Variants in LHPP observed in about 807,000 individuals in gnomAD.
LHPP encodes the protein hLHPP.
Under a neutral mutation model 30.3 loss-of-function variants are expected in LHPP, and 24 were observed. That is an observed-to-expected ratio of 0.79 (90% confidence interval 0.57 to 1.11). LHPP has a LOEUF of 1.11. Ranked by LOEUF, LHPP falls within the 50% of genes most tolerant of loss-of-function variation. LHPP has a pLI of 0.00. For missense variants in LHPP, 356 were observed against 367.2 expected (o/e 0.97, Z 0.25); for synonymous variants, 150 against 157.1 (o/e 0.95, Z 0.34).
chr10:124,606,107 C>T (rs1949088978), intron 6 of LHPP, among the ~76,000 whole-genome samples: 1 of 152,192 alleles, frequency 6.6e-6, no homozygotes, highest in South Asian at 2.1e-4. Flanking sequence ...CGCCCAAATG[C>T]AGCCCGAGGG....
At chr10:124,474,799 C>G (rs1952891023) in intron 1 of LHPP, among the ~76,000 whole-genome samples, 1 of 152,154 alleles carries the variant, frequency 6.6e-6, no homozygotes, top group Non-Finnish European at 1.5e-5. Context: ...TGCTGGGGCT[C>G]AGTTCACCCT....
At chr10:124,597,425 G>A (rs1564846654) in intron 6 of LHPP, among the ~76,000 whole-genome samples, 1 of 152,332 alleles carries the variant, frequency 6.6e-6, no homozygotes, top group East Asian at 1.9e-4. Context: ...ACCCAGGATA[G>A]CAAGTCCCCA....
intron 6 of LHPP, among the ~76,000 whole-genome samples, chr10:124,549,422 A>C (rs1955425918): frequency 6.6e-6 from 1 of 151,974 alleles, no homozygotes; most frequent in Non-Finnish European, 1.5e-5. Context: ...TGGACAACAC[A>C]GCAAGACCCT....
chr10:124,536,162 C>T (rs1044317887), intron 6 of LHPP, among the ~76,000 whole-genome samples: 4 of 152,248 alleles, frequency 2.6e-5, no homozygotes, highest in East Asian at 1.9e-4. Context: ...GCCGCGTGTG[C>T]GTGCAGACTG....
intron 5 of LHPP, among the ~76,000 whole-genome samples, chr10:124,499,787 A>C (rs1055027594): frequency 2.0e-5 from 3 of 151,948 alleles, no homozygotes; most frequent in African/African-American, 7.3e-5. Context: ...CCCTGTGTGC[A>C]TTTCGGTCCA....
Position 124,523,409 on chromosome 10 carries a change from G to A in LHPP, c.716+6138G>A, listed in dbSNP as rs948198571. 6.6e-5 allele frequency among the ~76,000 whole-genome samples: 10 copies of A among 152,232 alleles called. No homozygotes were observed. Among genetic ancestry groups the A allele is most frequent in the Non-Finnish European group, 8.8e-5 (6 of 68,044 alleles). ...CTGTGGAGCTGGCTGCGTCGGGAGG[G>A]AGAGTGCCCCCACGCCTGGCCTTTG... On this transcript the variant is annotated intron_variant, in intron 6 of 6. Coordinates refer to ENST00000368842, the MANE Select transcript of LHPP (RefSeq NM_022126.4). The surrounding 1 kb of genome is among the most constrained non-coding windows in gnomAD (Gnocchi z 4.2).
chr10:124,597,456 C>T lies in LHPP; in HGVS notation c.717-15808C>T, dbSNP rs76921807. The stretch of plus-strand genomic sequence containing the variant: ...CCCCATCAGTGTCACTGCCACCTGT[C>T]GAAGAGATCCCCCAGCCCAGCACTC... On this transcript the variant is annotated intron_variant, in intron 6 of 6. Coordinates refer to ENST00000368842, the MANE Select transcript of LHPP (RefSeq NM_022126.4). Among the ~76,000 whole-genome samples the T allele has an allele frequency of 6.5e-3, 984 of 152,318 alleles. 14 individuals are homozygous for T. Among genetic ancestry groups the T allele is most frequent in the African/African-American group, 0.023 (941 of 41,558 alleles).
intron 6 of LHPP, among the ~76,000 whole-genome samples, chr10:124,551,165 C>A (rs923478709): frequency 6.6e-6 from 1 of 152,110 alleles, no homozygotes; most frequent in Non-Finnish European, 1.5e-5. Context: ...GGAGATGGCT[C>A]CCCCCAGCCT....
intron 6 of LHPP, among the ~76,000 whole-genome samples, chr10:124,566,234 C>T (rs190841955): frequency 4.3e-4 from 66 of 152,370 alleles, no homozygotes; most frequent in Admixed American, 9.1e-4. Flanking sequence ...AGATTCTTGG[C>T]GCCTTCCTGA....
chr10:124,566,219 T>C (rs1365928503), intron 6 of LHPP, among the ~76,000 whole-genome samples: 1 of 152,214 alleles, frequency 6.6e-6, no homozygotes, highest in Non-Finnish European at 1.5e-5. Context: ...GGTTATGGGC[T>C]CTCCAGATTC....
intron 1 of LHPP, among the ~76,000 whole-genome samples, chr10:124,481,904 G>C (rs1953149177): frequency 6.6e-6 from 1 of 152,170 alleles, no homozygotes; most frequent in East Asian, 1.9e-4. Flanking sequence ...AGTCTTTTAA[G>C]ACCCCACACT....
At chr10:124,612,067 A>G (rs1949209232) in intron 6 of LHPP, among the ~76,000 whole-genome samples, 1 of 152,196 alleles carries the variant, frequency 6.6e-6, no homozygotes, top group Non-Finnish European at 1.5e-5. Flanking sequence ...CAGGCTGCCC[A>G]CAGCCCCTAG....
chr10:124,509,859 A>T (rs900291111), intron 5 of LHPP, among the ~76,000 whole-genome samples: 1 of 152,026 alleles, frequency 6.6e-6, no homozygotes, highest in Admixed American at 6.6e-5. Context: ...CTGGATAAGG[A>T]AAATATTTGT....
intron 1 of LHPP, among the ~76,000 whole-genome samples, chr10:124,464,949 T>G (rs1952515365): frequency 6.6e-6 from 1 of 151,356 alleles, no homozygotes; most frequent in Non-Finnish European, 1.5e-5. Context: ...AGTAGGGGAG[T>G]ATTAGGGTCT....
intron 6 of LHPP, among the ~76,000 whole-genome samples, chr10:124,581,683 G>A (rs1005178787): frequency 1.3e-5 from 2 of 152,058 alleles, no homozygotes; most frequent in African/African-American, 4.8e-5. Context: ...ATCTTTTCTT[G>A]TACTTATTGG....
rs528766161 is a variant in LHPP, at chr10:124,541,880, G to A, written c.716+24609G>A. The stretch of plus-strand genomic sequence containing the variant: ...TCACCCCTACTTCCCCACTGCAAGG[G>A]TGCTGCCTCCCCAGCTCCTACCTGG... On this transcript the variant is annotated intron_variant, in intron 6 of 6. Coordinates refer to ENST00000368842, the MANE Select transcript of LHPP (RefSeq NM_022126.4). The surrounding 1 kb of genome is among the most constrained non-coding windows in gnomAD (Gnocchi z 4.2). 2.7e-3 allele frequency among the ~76,000 whole-genome samples: 418 copies of A among 152,212 alleles called. 1 individual carries two copies. Among genetic ancestry groups the A allele is most frequent in the African/African-American group, 9.8e-3 (408 of 41,522 alleles).
In LHPP at chr10:124,484,272, G is replaced by C. The variant is rs1953245757; in HGVS notation, c.259G>C (p.Ala87Pro). The change falls in exon 2 of 7, where the codon GCC (alanine) becomes CCC (proline). Residue 87 changes from alanine (A) to proline (P), a missense_variant. Coordinates refer to ENST00000368842, the MANE Select transcript of LHPP (RefSeq NM_022126.4). ...GGAGGTGACCGCCCCGGCACCAGCT[G>C]CCTGCCAGATCCTGAAGGAGCAAGG... ...EQEVTAPAPA[A>P]CQILKEQGLR... 1 of 1,613,900 alleles carries C rather than the reference G, an allele frequency of 6.2e-7. No individual in the cohort carries two copies. Among genetic ancestry groups the C allele is most frequent in the Admixed American group, 1.7e-5 (1 of 59,990 alleles).
chr10:124,607,327 G>A (rs1343941988), intron 6 of LHPP, among the ~76,000 whole-genome samples: 1 of 152,244 alleles, frequency 6.6e-6, no homozygotes, highest in Non-Finnish European at 1.5e-5. Flanking sequence ...CCAGGAACAG[G>A]TCCCCTCCTG....
chr10:124,511,304 A>G (rs1564800989), intron 5 of LHPP, among the ~76,000 whole-genome samples: 1 of 152,252 alleles, frequency 6.6e-6, no homozygotes, highest in Non-Finnish European at 1.5e-5. Flanking sequence ...TCTAAAAATA[A>G]AGACCACATG....
Sources: allele counts gnomAD v4.1 joint callset (sites outside exome capture counted in the v4.1 genomes callset), GRCh38; gene constraint gnomAD v4.1.1; non-coding constraint Gnocchi (gnomAD v3.1); transcripts MANE v1.5; gene names NCBI Gene and HGNC (gene_info 2026-07-23, HGNC 2026-07-21).